Variants in WDFY4 observed in about 807,000 individuals in gnomAD.
WDFY4 encodes the protein WD repeat- and FYVE domain-containing protein 4.
In WDFY4, 169 loss-of-function variants were observed where a neutral mutation model predicts 351.9. The observed-to-expected ratio is 0.48, with a 90% CI of 0.42 to 0.55. WDFY4 has a LOEUF of 0.55. Ranked by LOEUF, WDFY4 falls within the 20% of genes least tolerant of loss-of-function variation. The pLI, the probability that WDFY4 is intolerant of heterozygous loss-of-function variation, is 0.00. For synonymous variants in WDFY4, 1,622 were observed against 1,574.6 expected (o/e 1.03, Z -0.71); for missense variants, 3,803 against 3,935.6 (o/e 0.97, Z 0.90).
chr10:48,929,755 G>A (rs1447130287), intron 47 of WDFY4, among the ~76,000 whole-genome samples: 2 of 152,106 alleles, frequency 1.3e-5, no homozygotes, highest in Admixed American at 1.3e-4. Flanking sequence ...TCTGTCCCAA[G>A]CCCAGCTCCC....
At chr10:48,796,700 T>G (rs541056114) in intron 24 of WDFY4, among the ~76,000 whole-genome samples, 1 of 152,348 alleles carries the variant, frequency 6.6e-6, no homozygotes, top group South Asian at 2.1e-4. Flanking sequence ...AGTGGAGACC[T>G]TCATCTCCTT....
intron 47 of WDFY4, chr10:48,913,591 TG>T: frequency 6.2e-7 from 1 of 1,614,178 alleles, no homozygotes; most frequent in Non-Finnish European, 8.5e-7. Context: ...ATGGAGTCTA[TG>T]AATATTTCCG....
chr10:48,848,639 C>T lies in WDFY4; in HGVS notation c.6663+15930C>T, dbSNP rs533871680. Reference sequence around the variant, plus strand: ...GAAGGTCTGTGAGGTTCTTTTCAGTCCCTCAAAGTTTGATCACTGCCTCCA... The same window carrying T: ...GAAGGTCTGTGAGGTTCTTTTCAGTTCCTCAAAGTTTGATCACTGCCTCCA... On this transcript the variant is annotated intron_variant, in intron 39 of 61. Transcript: ENST00000325239. Among the ~76,000 whole-genome samples the T allele has an allele frequency of 1.5e-3, 230 of 152,216 alleles. 1 individual carries two copies. The highest frequency in any genetic ancestry group is 5.2e-3 in the African/African-American group (215 of 41,510).
intron 43 of WDFY4, among the ~76,000 whole-genome samples, chr10:48,879,889 C>T (rs1434190683): frequency 6.6e-6 from 1 of 152,180 alleles, no homozygotes; most frequent in African/African-American, 2.4e-5. Flanking sequence ...CTCCCGCTCC[C>T]CCAACACCAC....
chr10:48,747,078 G>A (rs145455234), intron 12 of WDFY4, among the ~76,000 whole-genome samples: 5 of 152,064 alleles, frequency 3.3e-5, no homozygotes, highest in Non-Finnish European at 7.4e-5. Flanking sequence ...AAACTCTCTT[G>A]GATTTTATTT....
intron 12 of WDFY4, among the ~76,000 whole-genome samples, chr10:48,753,257 G>T (rs923033092): frequency 6.6e-6 from 1 of 152,028 alleles, no homozygotes; most frequent in African/African-American, 2.4e-5. Flanking sequence ...TTTATATATT[G>T]TGGGTACTAG....
At chr10:48,808,308 G>T (rs375305076) in intron 28 of WDFY4, among the ~76,000 whole-genome samples, 3 of 152,214 alleles carry the variant, frequency 2.0e-5, no homozygotes, top group Non-Finnish European at 2.9e-5. Context: ...TGAAGAAATC[G>T]TGAGCCTAAA....
rs1215977031 is a variant in WDFY4 at position 48,743,407 on chromosome 10, T to A, written c.2318T>A (p.Met773Lys). ...CAGATCCTTGGCTTTCTGGACAGCA[T>A]GGCCAGCGGCACCCTCCACTTGCGT... Reference protein sequence around the residue: ...CLQILGFLDSMASGTLHLRGD... With the variant: ...CLQILGFLDSKASGTLHLRGD... The change falls in exon 12 of 62, where the codon ATG (methionine) becomes AAG (lysine). Residue 773 changes from methionine (M) to lysine (K), a missense_variant. Coordinates refer to ENST00000325239, the MANE Select transcript of WDFY4 (RefSeq NM_001394531.1). The A allele has an allele frequency of 6.4e-7, 1 of 1,551,578 alleles. No individual in the cohort carries two copies. The highest frequency in any genetic ancestry group is 8.7e-7 in the Non-Finnish European group (1 of 1,146,990).
chr10:48,690,415 C>G (rs1589389023), intron 1 of WDFY4, among the ~76,000 whole-genome samples: 1 of 152,180 alleles, frequency 6.6e-6, no homozygotes, highest in African/African-American at 2.4e-5. Context: ...GGCCAGAAAC[C>G]TCTGTGGCCA....
chr10:48,805,602 C>T (rs181851513), intron 26 of WDFY4, among the ~76,000 whole-genome samples, 181 bp downstream of exon 26: 1 of 152,312 alleles, frequency 6.6e-6, no homozygotes, highest in East Asian at 1.9e-4. Flanking sequence ...ATGGGACAGG[C>T]CGGTTTCCCC....
At chr10:48,729,302 C>T in intron 7 of WDFY4, 130 bp from the exon 8 acceptor site, 1 of 1,349,586 alleles carries the variant, frequency 7.4e-7, no homozygotes. Context: ...TGAATTGCCT[C>T]AGGTGCAGAC....
chr10:48,939,229 G>A (rs1840608973), intron 47 of WDFY4, among the ~76,000 whole-genome samples: 1 of 152,208 alleles, frequency 6.6e-6, no homozygotes, highest in Admixed American at 6.5e-5. Flanking sequence ...TCCTCCAAGA[G>A]TAGAAAAGAA....
At chr10:48,818,993 CA>C (rs2067717944) in intron 32 of WDFY4, among the ~76,000 whole-genome samples, 1 of 152,194 alleles carries the variant, frequency 6.6e-6, no homozygotes, top group African/African-American at 2.4e-5. Flanking sequence ...ATTCTCTACC[CA>C]GATGCCCAGC....
Position 48,732,268 on chromosome 10 carries a change from G to A in WDFY4, c.1582+706G>A, listed in dbSNP as rs114087971. Among the ~76,000 whole-genome samples the A allele has an allele frequency of 5.3e-3, 804 of 152,210 alleles. 7 individuals carry two copies. The highest frequency in any genetic ancestry group is 0.018 in the African/African-American group (755 of 41,508). ...GTGGTGGTCTTTAACTACCATCTCC[G>A]TTGACTTTCTGATAGGAAGCAAAGT... is the stretch of plus-strand genomic sequence containing the variant. On this transcript the variant is annotated intron_variant, in intron 9 of 61. Transcript: ENST00000325239.
In WDFY4 at chr10:48,776,888, G is replaced by A. The variant is rs2066049407; in HGVS notation, c.3002G>A (p.Ser1001Asn). ...ACTACTGCTCTTCAGACGGCGCTGA[G>A]CCTCATCTCCATGACCTCCCCACGC... ...DSTTALQTAL[S>N]LISMTSPRNL... Residue 1001 changes from serine (S) to asparagine (N), a missense_variant, in exon 16 of 62, where the codon AGC becomes AAC. Physicochemically the swap from Ser to Asn is conservative, Grantham distance 46. Transcript: ENST00000325239. The A allele has an allele frequency of 1.3e-6, 2 of 1,552,058 alleles. No homozygotes were observed. The highest frequency in any genetic ancestry group is 1.7e-6 in the Non-Finnish European group (2 of 1,147,068).
chr10:48,974,945 C>T lies in WDFY4; in HGVS notation c.9012C>T (p.Cys3004=), dbSNP rs1345045765. 1 of 1,551,582 alleles carries T rather than the reference C, an allele frequency of 6.4e-7. No homozygotes were observed. The highest frequency in any genetic ancestry group is 8.7e-7 in the Non-Finnish European group (1 of 1,147,002). ...TCCTGGTGAGCGGCTCCCAGGACTG[C>T]ACCTGTATCCTGTGGGATCTGGACC... The part of the protein sequence containing the change: ...FSLLVSGSQD[C]TCILWDLDHL... The change falls in exon 58 of 62, where the codon TGC becomes TGT. Residue 3004 remains cysteine (C), a synonymous_variant. Transcript: ENST00000325239.
chr10:48,969,212 CT>C lies in WDFY4; in HGVS notation c.8735del (p.Phe2912SerfsTer14). The C allele has an allele frequency of 6.4e-7, 1 of 1,551,584 alleles. No individual in the cohort carries two copies. Among genetic ancestry groups the C allele is most frequent in the East Asian group, 2.4e-5 (1 of 40,920 alleles). On this transcript the variant is annotated frameshift_variant, in exon 56 of 62. Coordinates refer to ENST00000325239, the MANE Select transcript of WDFY4 (RefSeq NM_001394531.1). LOFTEE classifies it high-confidence loss of function. ...NRTFSWGFDD[F>X]SCCLGSYGSD... ...GGACCTTCAGCTGGGGCTTTGATGA[CT>C]TCAGCTGCTGCTTGGGGAGCTACGG...
chr10:48,818,397 C>T (rs756237868), intron 32 of WDFY4, among the ~76,000 whole-genome samples: 95 of 152,160 alleles, frequency 6.2e-4, no homozygotes, highest in African/African-American at 2.1e-3. Flanking sequence ...ATACCCATGG[C>T]GGCAGCCTCC....
chr10:48,910,329 G>A, intron 47 of WDFY4: 2 of 1,362,224 alleles, frequency 1.5e-6, no homozygotes, highest in Non-Finnish European at 2.1e-6. Context: ...AAGGGCAGAG[G>A]TCACACCAGC....
Sources: gnomAD v4.1 joint callset for allele counts (sites outside exome capture counted in the v4.1 genomes callset) on GRCh38, gnomAD v4.1.1 for gene constraint, MANE v1.5 for transcripts, NCBI Gene and HGNC (gene_info 2026-07-23, HGNC 2026-07-21) for gene names.